Variants in GPR108 observed in about 807,000 individuals in gnomAD.
GPR108 encodes the protein protein GPR108.
Under a neutral mutation model 74.3 loss-of-function variants are expected in GPR108, and 60 were observed. That is an observed-to-expected ratio of 0.81 (90% CI 0.66 to 1.00). The LOEUF (loss-of-function observed/expected upper bound fraction) is 1.00, where lower values mean the gene tolerates loss of function less well. GPR108 is among the 50% of genes least tolerant of loss of function. The pLI, the probability that GPR108 is intolerant of heterozygous loss-of-function variation, is 0.00. For missense variants in GPR108, 667 were observed against 703.3 expected (o/e 0.95, Z 0.58); for synonymous variants, 311 against 292.4 (o/e 1.06, Z -0.65).
In GPR108 at chr19:6,737,524, C is replaced by G. The variant is rs1968690124; in HGVS notation, c.53G>C (p.Gly18Ala). 1 of 1,570,266 alleles carries G rather than the reference C, an allele frequency of 6.4e-7. No homozygotes were observed. Among genetic ancestry groups the G allele is most frequent in the Admixed American group, 1.8e-5 (1 of 55,740 alleles). The change falls in exon 1 of 18, where the codon GGG (glycine) becomes GCG (alanine). Residue 18 changes from glycine (G) to alanine (A), a missense_variant. Gly to Ala is a moderately conservative substitution (Grantham distance 60). Coordinates refer to ENST00000264080, the MANE Select transcript of GPR108 (RefSeq NM_001080452.2). ...GLGRGSPAEW[G>A]QRLLLVLLLG... Reference sequence around the variant, plus strand: ...CAGCAGCACCAGAAGTAGCCGCTGCCCCCACTCCGCGGGGCTCCCGCGGCC... The same window carrying G: ...CAGCAGCACCAGAAGTAGCCGCTGCGCCCACTCCGCGGGGCTCCCGCGGCC...
rs1968645252 is a variant in GPR108 at position 6,736,654 on chromosome 19, G to C, written c.178C>G (p.Leu60Val). Residue 60 changes from leucine (L) to valine (V), a missense_variant, in exon 2 of 18, where the codon CTG (leucine) becomes GTG (valine). Coordinates refer to ENST00000264080, the MANE Select transcript of GPR108 (RefSeq NM_001080452.2). ...NSFGFYTNGS[L>V]EVELSVLRLG... is the part of the protein sequence containing the mutation. ...CGCAGGACGCTCAACTCCACCTCCA[G>C]AGAGCCATTGGTGTAGAAACCGAAG... 1 of 1,614,090 alleles carries C rather than the reference G, an allele frequency of 6.2e-7. No homozygotes were observed. Among genetic ancestry groups the C allele is most frequent in the Non-Finnish European group, 8.5e-7 (1 of 1,180,012 alleles).
At chr19:6,731,648 G>A in intron 14 of GPR108, 126 bp from the exon 15 acceptor site, 1 of 901,840 alleles carries the variant, frequency 1.1e-6, no homozygotes. Flanking sequence ...CAAGTCTCGA[G>A]GGGACATTAG....
intron 3 of GPR108, 93 bp from the exon 4 acceptor site, chr19:6,735,797 C>G: frequency 6.6e-7 from 1 of 1,526,282 alleles, no homozygotes; most frequent in Middle Eastern, 1.7e-4. Context: ...CGGGATCTTC[C>G]TGCTCCTGCC....
rs1568239891 is a variant in GPR108 at position 6,734,128 on chromosome 19, G to A, written c.499+55C>T. 3 of 1,614,198 alleles carry A rather than the reference G, an allele frequency of 1.9e-6. No individual in the cohort carries two copies. The South Asian group carries it at 3.3e-5, about 18-fold the overall frequency. On this transcript the variant is annotated intron_variant, in intron 5 of 17. Transcript: ENST00000264080. ...GGGCAGTGGGAAAACGGCATGGGGA[G>A]TGCAAAGGGCAGACCTGCCCATCCA...
rs567601307 is a variant in GPR108 at position 6,735,896 on chromosome 19, C to G, written c.291+12G>C. On this transcript the variant is annotated intron_variant, in intron 3 of 17. Coordinates refer to ENST00000264080, the MANE Select transcript of GPR108 (RefSeq NM_001080452.2). Reference sequence around the variant, plus strand: ...AGCCCCTTCTCCCGTCTTCCCCATGCCCTCCACTCACTGAATAGGAGCGAA... The same window carrying G: ...AGCCCCTTCTCCCGTCTTCCCCATGGCCTCCACTCACTGAATAGGAGCGAA... The G allele has an allele frequency of 2.1e-5, 34 of 1,610,860 alleles. No individual in the cohort carries two copies. In the South Asian group the frequency reaches 3.5e-4, roughly 17 times the overall value.
Position 6,735,939 on chromosome 19 carries a change from C to T in GPR108, c.260G>A (p.Arg87Gln), listed in dbSNP as rs961867570. 9 of 1,611,110 alleles carry T rather than the reference C, an allele frequency of 5.6e-6. No homozygotes were observed. The highest frequency in any genetic ancestry group is 7.6e-6 in the Non-Finnish European group (9 of 1,178,468). Residue 87 changes from arginine to glutamine, a missense_variant, in exon 3 of 18, where the codon CGG becomes CAG. Coordinates refer to ENST00000264080, the MANE Select transcript of GPR108 (RefSeq NM_001080452.2). ...GGAGCGAACTCTGCCAGACCGAACCCGGCTGAGACTGAACCCCACCTGGTG... is the reference window on the plus strand; with the variant it reads ...GGAGCGAACTCTGCCAGACCGAACCTGGCTGAGACTGAACCCCACCTGGTG... Reference protein sequence around the residue: ...KSLLVGFSLSRVRSGRVRSYS... With the variant: ...KSLLVGFSLSQVRSGRVRSYS...
At position 6,731,070 on chromosome 19, in the gene GPR108, C is replaced by A. The variant is rs1377148716; in HGVS notation, c.1476G>T (p.Thr492=). The change falls in exon 17 of 18, where the codon ACG becomes ACT. Residue 492 remains threonine, a synonymous_variant. Transcript: ENST00000264080. ...EGSTLAFFVL[T]GYKFQPTGNN... ...TTCCTGTGGGCTGGAACTTGTAGCC[C>A]GTGAGCACGAAGAAGGCCAGGGTGG... 6.2e-7 allele frequency: 1 copy of A among 1,613,610 alleles called. No homozygotes were observed. The highest frequency in any genetic ancestry group is 1.1e-5 in the South Asian group (1 of 91,076).
rs1968511675 is a variant in GPR108, at chr19:6,733,581, A to T, written c.712T>A (p.Phe238Ile). 4 of 1,613,972 alleles carry T rather than the reference A, an allele frequency of 2.5e-6. No individual in the cohort carries two copies. The highest frequency in any genetic ancestry group is 3.4e-6 in the Non-Finnish European group (4 of 1,179,924). ...TCCACTCCGCTCACCGTGATGTCGAATGGATGCTCCTTTCCTGGCACTGAA... is the reference window on the plus strand; with the variant it reads ...TCCACTCCGCTCACCGTGATGTCGATTGGATGCTCCTTTCCTGGCACTGAA... ...NNSVPGKEHP[F>I]DITVMIREKN... Residue 238 changes from phenylalanine (F) to isoleucine (I), a missense_variant, in exon 8 of 18, where the codon TTC becomes ATC. Coordinates refer to ENST00000264080, the MANE Select transcript of GPR108 (RefSeq NM_001080452.2).
chr19:6,733,367 G>A lies in GPR108; in HGVS notation c.724-66C>T, dbSNP rs1199152196. 4.6e-6 allele frequency: 7 copies of A among 1,513,210 alleles called. No homozygotes were observed. In the Admixed American group the frequency reaches 5.4e-5, roughly 12 times the overall value. The allele number at this position is 1,513,210 out of a possible 1,614,324, so 93.7% of individuals were successfully genotyped here. ...CCGACCGCTGGCCTGGGAGAGCAGC[G>A]AGTGGGGGTCTCCAGCTCTCTCACT... is the stretch of plus-strand genomic sequence containing the variant. On this transcript the variant is annotated intron_variant, in intron 8 of 17. Transcript: ENST00000264080.
chr19:6,736,716 C>A lies in GPR108; in HGVS notation c.121-5G>T. 1 of 1,614,024 alleles carries A rather than the reference C, an allele frequency of 6.2e-7. No homozygotes were observed. Among genetic ancestry groups the A allele is most frequent in the South Asian group, 1.1e-5 (1 of 91,066 alleles). On this transcript the variant is annotated splice_polypyrimidine_tract_variant and splice_region_variant and intron_variant, in intron 1 of 17. Coordinates refer to ENST00000264080, the MANE Select transcript of GPR108 (RefSeq NM_001080452.2). Reference sequence around the variant, plus strand: ...GATGTCCGCTCGCTTCTCCCCCTGCCGGAGACCAAGGAGGCAGAGGCAGTT... The same window carrying A: ...GATGTCCGCTCGCTTCTCCCCCTGCAGGAGACCAAGGAGGCAGAGGCAGTT...
At chr19:6,736,814 C>G (rs1185227535) in intron 1 of GPR108, 103 bp from the exon 2 acceptor site, 1 of 1,497,994 alleles carries the variant, frequency 6.7e-7, no homozygotes, top group Non-Finnish European at 9.1e-7. Context: ...TGGTACCCCT[C>G]TATTTAGGAC....
At chr19:6,736,457 A>T (rs1968638292) in intron 2 of GPR108, 135 bp downstream of exon 2, 1 of 896,330 alleles carries the variant, frequency 1.1e-6, no homozygotes, top group African/African-American at 1.7e-5. Context: ...CATTACTCCC[A>T]GGTACAGATG....
In GPR108 at chr19:6,737,470, T is replaced by C. The variant is rs340138; in HGVS notation, c.107A>G (p.Gln36Arg). Residue 36 changes from glutamine to arginine, a missense_variant, in exon 1 of 18, where the codon CAG becomes CGG. Physicochemically the swap from Gln to Arg is conservative, Grantham distance 43. Coordinates refer to ENST00000264080, the MANE Select transcript of GPR108 (RefSeq NM_001080452.2). ...GGCGGGCCTCACCGTCAGCGCCAGC[T>C]GGTGGATGCGCCCGGAGCAGCCACC... ...LLGGCSGRIH[Q>R]LALTGEKRAD... 0.87 allele frequency: 1,386,092 copies of C among 1,586,254 alleles called. 606,616 individuals carry two copies. The highest frequency in any genetic ancestry group is 0.98 in the East Asian group (41,810 of 42,778).
chr19:6,732,007 C>T lies in GPR108; in HGVS notation c.1256+18G>A, dbSNP rs2291666. ...ATGTGCACAGGGCAGAGCCTCAGCC[C>T]GGGGGCAGGGTCCTCACCAGACTAC... is the stretch of plus-strand genomic sequence containing the variant. On this transcript the variant is annotated intron_variant, in intron 13 of 17. Transcript: ENST00000264080. 1,003,126 of 1,613,058 alleles carry T rather than the reference C, an allele frequency of 0.62. 316,790 individuals carry two copies. The highest frequency in any genetic ancestry group is 0.65 in the Non-Finnish European group (761,574 of 1,179,674).
At chr19:6,730,907 C>T (rs1266796014) in intron 17 of GPR108, 80 bp downstream of exon 17, 2 of 1,043,508 alleles carry the variant, frequency 1.9e-6, no homozygotes, top group African/African-American at 1.6e-5. Flanking sequence ...TCCCTCCCCC[C>T]TGCCCACCCT....
chr19:6,732,956 C>G, intron 10 of GPR108, 31 bp downstream of exon 10: 1 of 1,551,204 alleles, frequency 6.4e-7, no homozygotes, highest in South Asian at 1.2e-5. Context: ...TTCAGCCCAC[C>G]CCCCGCTGCT....
Position 6,734,274 on chromosome 19 carries a change from C to T in GPR108, c.408G>A (p.Thr136=), listed in dbSNP as rs371743086. The part of the protein sequence containing the change: ...VQVRKYGEQK[T]LFIFPGLLPE... ...GGAGGAGCCCGGGAAAGATAAACAACGTCTTCTGCTCTCCATACTTCCGCA... is the reference window on the plus strand; with the variant it reads ...GGAGGAGCCCGGGAAAGATAAACAATGTCTTCTGCTCTCCATACTTCCGCA... Residue 136 remains threonine (T), a synonymous_variant, in exon 5 of 18, where the codon ACG becomes ACA. Coordinates refer to ENST00000264080, the MANE Select transcript of GPR108 (RefSeq NM_001080452.2). 7 of 1,614,058 alleles carry T rather than the reference C, an allele frequency of 4.3e-6. No homozygotes were observed. The highest frequency in any genetic ancestry group is 1.3e-5 in the African/African-American group (1 of 75,050).
Position 6,731,482 on chromosome 19 carries a change from G to A in GPR108, c.1341C>T (p.Tyr447=), listed in dbSNP as rs1599539260. The A allele has an allele frequency of 2.0e-6, 3 of 1,519,108 alleles. No homozygotes were observed. The highest frequency in any genetic ancestry group is 2.7e-6 in the Non-Finnish European group (3 of 1,130,732). 94.1% of individuals were successfully genotyped at this position (1,519,108 alleles called of 1,614,324 possible). A position where few individuals can be genotyped will look rare whatever the true frequency, so the allele number is the denominator to read the frequency against. ...TGAGGCGGGCTCCTACCATGACATA[G>A]TAATGCCGGAACAGCTTCAGCTTGG... ...NLAKLKLFRH[Y]YVMVICYVYF... is the part of the protein sequence containing the mutation. The change falls in exon 15 of 18, where the codon TAC becomes TAT. Residue 447 remains tyrosine, a synonymous_variant. Coordinates refer to ENST00000264080, the MANE Select transcript of GPR108 (RefSeq NM_001080452.2).
At chr19:6,732,672 A>C in intron 10 of GPR108, 123 bp from the exon 11 acceptor site, 1 of 790,522 alleles carries the variant, frequency 1.3e-6, no homozygotes, top group Non-Finnish European at 2.1e-6. Context: ...TTGAATAATG[A>C]GGACGGTGGG....
Sources: allele counts gnomAD v4.1 joint callset, GRCh38; gene constraint gnomAD v4.1.1; transcripts MANE v1.5; gene names NCBI Gene and HGNC (gene_info 2026-07-23, HGNC 2026-07-21).